The following ZNF385B variants were observed in gnomAD, a reference collection of about 807,000 sequenced individuals.
The protein encoded by ZNF385B is zinc finger protein 385B.
In ZNF385B, 23 loss-of-function variants were observed where a neutral mutation model predicts 39.2. That is an observed-to-expected ratio of 0.59 (90% CI 0.42 to 0.83). ZNF385B has a LOEUF of 0.83. ZNF385B is among the 40% of genes least tolerant of loss of function. The pLI is 0.00. For missense variants in ZNF385B, 552 were observed against 598.9 expected (o/e 0.92, Z 0.82); for synonymous variants, 205 against 222.6 (o/e 0.92, Z 0.70).
chr2:179,641,854 T>A (rs113183646), intron 3 of ZNF385B, among the ~76,000 whole-genome samples: 27 of 152,280 alleles, frequency 1.8e-4, no homozygotes, highest in African/African-American at 6.5e-4. Context: ...GGCTCTCTTG[T>A]GTCCTGAGAT....
Position 179,443,199 on chromosome 2 carries a change from C to T in ZNF385B, c.*51G>A, listed in dbSNP as rs781154147. ...TGCTTAAATTGCTGAATCCTTGTGGCTTTCTTTCTCAACTTCCTACTGGCC... is the reference window on the plus strand; with the variant it reads ...TGCTTAAATTGCTGAATCCTTGTGGTTTTCTTTCTCAACTTCCTACTGGCC... On this transcript the variant is annotated 3_prime_UTR_variant, in exon 10 of 10. Transcript: ENST00000410066. 1.9e-6 allele frequency: 3 copies of T among 1,605,556 alleles called. No individual in the cohort carries two copies. The highest frequency in any genetic ancestry group is 2.6e-6 in the Non-Finnish European group (3 of 1,174,608).
intron 3 of ZNF385B, among the ~76,000 whole-genome samples, chr2:179,638,537 T>C (rs1421785530): frequency 6.6e-6 from 1 of 152,102 alleles, no homozygotes; most frequent in African/African-American, 2.4e-5. Context: ...GAAATGCAAA[T>C]ATGAAATGTA....
chr2:179,628,090 A>G (rs957124511), intron 3 of ZNF385B, among the ~76,000 whole-genome samples: 7 of 151,996 alleles, frequency 4.6e-5, no homozygotes, highest in African/African-American at 1.7e-4. Context: ...ACATTATATC[A>G]TTTTATTTGT....
At chr2:179,493,383 AC>A (rs1164207613) in intron 5 of ZNF385B, among the ~76,000 whole-genome samples, 1 of 151,406 alleles carries the variant, frequency 6.6e-6, no homozygotes, top group African/African-American at 2.4e-5. Context: ...GTGCGCGCGC[AC>A]ATATATGTAT....
At chr2:179,589,619 T>C (rs1033350854) in intron 3 of ZNF385B, among the ~76,000 whole-genome samples, 1 of 152,212 alleles carries the variant, frequency 6.6e-6, no homozygotes, top group African/African-American at 2.4e-5. Context: ...TATTTGTATA[T>C]ACCCACTGAT....
intron 6 of ZNF385B, among the ~76,000 whole-genome samples, chr2:179,459,673 T>G (rs546055632): frequency 6.6e-6 from 1 of 151,506 alleles, no homozygotes; most frequent in East Asian, 1.9e-4. Flanking sequence ...ATGTAAATCT[T>G]AATTTATAAG....
intron 1 of ZNF385B, among the ~76,000 whole-genome samples, chr2:179,787,584 G>C (rs1559194760): frequency 6.6e-6 from 1 of 152,162 alleles, no homozygotes; most frequent in Admixed American, 6.6e-5. Context: ...AATCGGGAAG[G>C]GGGAAGATAA....
At chr2:179,463,110 T>G (rs2051542759) in intron 6 of ZNF385B, among the ~76,000 whole-genome samples, 1 of 152,148 alleles carries the variant, frequency 6.6e-6, no homozygotes, top group Non-Finnish European at 1.5e-5. Context: ...AATGATTATA[T>G]ATACACATCA....
chr2:179,518,857 C>T (rs2058283790), intron 4 of ZNF385B, among the ~76,000 whole-genome samples: 1 of 152,052 alleles, frequency 6.6e-6, no homozygotes, highest in Admixed American at 6.6e-5. Context: ...GAAAACATAA[C>T]TCAGAAAAAA....
chr2:179,492,150 T>C (rs1046171373), intron 5 of ZNF385B, among the ~76,000 whole-genome samples: 2 of 152,232 alleles, frequency 1.3e-5, no homozygotes, highest in Non-Finnish European at 2.9e-5. Flanking sequence ...GAAATCTTAG[T>C]TGATAATTCT....
At chr2:179,675,782 C>T (rs1026081175) in intron 3 of ZNF385B, among the ~76,000 whole-genome samples, 2 of 115,746 alleles carry the variant, frequency 1.7e-5, no homozygotes, top group African/African-American at 6.5e-5. Flanking sequence ...TTGAAAAATA[C>T]TGACAGTAAT....
intron 3 of ZNF385B, among the ~76,000 whole-genome samples, chr2:179,593,263 T>TA (rs1687725780): frequency 6.6e-6 from 1 of 152,206 alleles, no homozygotes; most frequent in African/African-American, 2.4e-5. Context: ...AAGACATTAT[T>TA]AATTGTTATT....
intron 3 of ZNF385B, among the ~76,000 whole-genome samples, chr2:179,644,857 T>C (rs188628555): frequency 1.6e-4 from 24 of 148,840 alleles, no homozygotes; most frequent in Non-Finnish European, 3.0e-5. Flanking sequence ...GAAATGGTGA[T>C]TTCACTTTGT....
chr2:179,587,420 A>AT (rs140037629), intron 3 of ZNF385B, among the ~76,000 whole-genome samples: 11,349 of 152,184 alleles, frequency 0.075, 508 homozygotes, highest in Non-Finnish European at 0.1. Flanking sequence ...ATAGATTACA[A>AT]TTTTTTAAGT....
chr2:179,825,976 G>T (rs1027538353), intron 1 of ZNF385B, among the ~76,000 whole-genome samples: 1 of 152,006 alleles, frequency 6.6e-6, no homozygotes. Flanking sequence ...TCCTCAGCTC[G>T]GCAGCTTTAT....
At chr2:179,691,349 T>C (rs2106344255) in intron 3 of ZNF385B, among the ~76,000 whole-genome samples, 1 of 152,290 alleles carries the variant, frequency 6.6e-6, no homozygotes, top group East Asian at 1.9e-4. Context: ...AAATGAAATA[T>C]GAGCCCCAGA....
intron 3 of ZNF385B, among the ~76,000 whole-genome samples, chr2:179,669,812 G>T (rs1036699910): frequency 4.6e-5 from 7 of 152,136 alleles, no homozygotes; most frequent in African/African-American, 1.7e-4. Context: ...AGGTACTGAA[G>T]AACTAATACA....
chr2:179,688,554 T>C (rs989047278), intron 3 of ZNF385B, among the ~76,000 whole-genome samples: 1 of 152,102 alleles, frequency 6.6e-6, no homozygotes, highest in African/African-American at 2.4e-5. Flanking sequence ...AGCCTTTCAT[T>C]GTTGAACTAT....
At chr2:179,524,846 C>T (rs2058784279) in intron 4 of ZNF385B, among the ~76,000 whole-genome samples, 1 of 152,118 alleles carries the variant, frequency 6.6e-6, no homozygotes, top group Non-Finnish European at 1.5e-5. Context: ...TTTTTCCCCT[C>T]TGACAGTGAC....
Sources: allele counts gnomAD v4.1 joint callset (sites outside exome capture counted in the v4.1 genomes callset), GRCh38; gene constraint gnomAD v4.1.1; transcripts MANE v1.5; gene names NCBI Gene and HGNC (gene_info 2026-07-23, HGNC 2026-07-21).